DDHD1: variants seen among roughly 807,000 people sequenced by gnomAD.
The protein encoded by DDHD1 is phospholipase DDHD1.
DDHD1 carries 49 observed loss-of-function variants against 96.4 expected under a neutral mutation model. That is an observed-to-expected ratio of 0.51 (90% confidence interval 0.40 to 0.64). DDHD1 has a LOEUF of 0.64. Ranked by LOEUF, DDHD1 falls within the 30% of genes least tolerant of loss-of-function variation. The pLI, the probability that DDHD1 is intolerant of heterozygous loss-of-function variation, is 0.00. For synonymous variants in DDHD1, 442 were observed against 446.5 expected (o/e 0.99, Z 0.13); for missense variants, 1,106 against 1,161.2 (o/e 0.95, Z 0.69).
intron 1 of DDHD1, among the ~76,000 whole-genome samples, chr14:53,137,322 T>TGG (rs1199661541): frequency 6.6e-6 from 1 of 152,222 alleles, no homozygotes; most frequent in African/African-American, 2.4e-5. Context: ...CCAGGTGCGG[T>TGG]GGCTCACGCC....
At chr14:53,116,946 A>C (rs1374667029) in intron 1 of DDHD1, among the ~76,000 whole-genome samples, 1 of 152,194 alleles carries the variant, frequency 6.6e-6, no homozygotes, top group East Asian at 1.9e-4. Flanking sequence ...GAAAAGATTA[A>C]CAAAATTGAT....
chr14:53,093,752 C>T (rs972462667), intron 2 of DDHD1: 5 of 283,002 alleles, frequency 1.8e-5, no homozygotes, highest in Non-Finnish European at 3.3e-5. Context: ...AACTGCTTTC[C>T]CGGGTGATGT....
chr14:53,053,432 T>C (rs535283354), intron 11 of DDHD1: 3 of 152,248 alleles, frequency 2.0e-5, no homozygotes, highest in Admixed American at 6.5e-5. Context: ...TTAAAAATGC[T>C]GTTGGCCCAA....
intron 4 of DDHD1, among the ~76,000 whole-genome samples, chr14:53,076,855 T>C (rs1249065076): frequency 2.1e-4 from 32 of 152,218 alleles, no homozygotes. Flanking sequence ...CAGTACAGCA[T>C]TTTAAAATTA....
rs1236401458 is a variant in DDHD1, at chr14:53,038,733, A to T, written c.*8035T>A. ...CCAAAGAAAGAGCCTGAATAGCCAA[A>T]GCAACCCAAAGCAGAAAGAACAAAG... is the stretch of plus-strand genomic sequence containing the variant. On this transcript the variant is annotated 3_prime_UTR_variant, in exon 13 of 13. Coordinates refer to ENST00000673822, the MANE Select transcript of DDHD1 (RefSeq NM_001160148.2). 2 of 152,196 alleles carry T rather than the reference A, an allele frequency of 1.3e-5. No homozygotes were observed. Among genetic ancestry groups the T allele is most frequent in the African/African-American group, 4.8e-5 (2 of 41,464 alleles). The allele number at this position is 152,196 out of a possible 1,614,324, so 9.4% of individuals were successfully genotyped here.
At chr14:53,053,909 C>CCATT (rs771102045) in intron 11 of DDHD1, 3 of 152,228 alleles carry the variant, frequency 2.0e-5, no homozygotes, top group Non-Finnish European at 2.9e-5. Context: ...TCCAACATAA[C>CCATT]TATCCATTTA....
intron 8 of DDHD1, 60 bp downstream of exon 8, chr14:53,061,066 C>T: frequency 1.4e-6 from 2 of 1,435,218 alleles, no homozygotes; most frequent in Non-Finnish European, 1.9e-6. Context: ...AGGCATATTT[C>T]ACATGACGTT....
rs1882077771 is a variant in DDHD1, at chr14:53,047,087, T to A, written c.2522-138A>T. The A allele has an allele frequency of 8.3e-6, 5 of 605,052 alleles. No individual in the cohort carries two copies. In the South Asian group the frequency reaches 1.4e-4, roughly 17 times the overall value. 37.5% of individuals were successfully genotyped at this position (605,052 alleles called of 1,614,324 possible). On this transcript the variant is annotated intron_variant, in intron 12 of 12. Coordinates refer to ENST00000673822, the MANE Select transcript of DDHD1 (RefSeq NM_001160148.2). Reference sequence around the variant, plus strand: ...TTTTTTAAGAAGTGACTTTCCATTATCATCTTAAGAGAAAAACACTCAAAA... The same window carrying A: ...TTTTTTAAGAAGTGACTTTCCATTAACATCTTAAGAGAAAAACACTCAAAA...
intron 1 of DDHD1, among the ~76,000 whole-genome samples, chr14:53,104,793 C>T (rs1887564076): frequency 6.6e-6 from 1 of 151,530 alleles, no homozygotes; most frequent in African/African-American, 2.4e-5. Context: ...ATAACAAAAC[C>T]CTAAAAGTAA....
At chr14:53,129,852 C>T (rs1194634163) in intron 1 of DDHD1, among the ~76,000 whole-genome samples, 4 of 152,178 alleles carry the variant, frequency 2.6e-5, no homozygotes, top group African/African-American at 9.7e-5. Flanking sequence ...GAAAACGGCA[C>T]TTTTGATTTC....
intron 1 of DDHD1, among the ~76,000 whole-genome samples, chr14:53,117,282 T>A (rs906712039): frequency 5.9e-5 from 9 of 152,140 alleles, no homozygotes; most frequent in Admixed American, 4.6e-4. Context: ...GTTCATCTCA[T>A]TGGGACTGGT....
intron 1 of DDHD1, among the ~76,000 whole-genome samples, chr14:53,122,180 C>T (rs1024904108): frequency 8.5e-5 from 13 of 152,180 alleles, no homozygotes; most frequent in South Asian, 2.1e-4. Context: ...TTTTTGGCAG[C>T]GTCCAGGTGC....
At chr14:53,138,087 T>C (rs1890367347) in intron 1 of DDHD1, among the ~76,000 whole-genome samples, 1 of 152,208 alleles carries the variant, frequency 6.6e-6, no homozygotes, top group African/African-American at 2.4e-5. Flanking sequence ...AAATAGAGTT[T>C]AAAGAAATTG....
chr14:53,089,746 C>A (rs1315037581), intron 4 of DDHD1, among the ~76,000 whole-genome samples: 2 of 152,104 alleles, frequency 1.3e-5, no homozygotes, highest in East Asian at 1.9e-4. Flanking sequence ...CCATAAAAAC[C>A]CTAGAAGAAA....
chr14:53,061,289 G>T, intron 7 of DDHD1, 88 bp from the exon 8 acceptor site: 1 of 1,059,768 alleles, frequency 9.4e-7, no homozygotes, highest in Non-Finnish European at 1.3e-6. Flanking sequence ...GTATAAAGAC[G>T]CAGATGATGG....
chr14:53,127,196 G>C (rs1421157488), intron 1 of DDHD1, among the ~76,000 whole-genome samples: 1 of 152,144 alleles, frequency 6.6e-6, no homozygotes, highest in Non-Finnish European at 1.5e-5. Context: ...AGTTGAGTGA[G>C]GAAATTTTAC....
At chr14:53,128,546 C>T (rs1023745396) in intron 1 of DDHD1, among the ~76,000 whole-genome samples, 5 of 152,220 alleles carry the variant, frequency 3.3e-5, no homozygotes, top group Admixed American at 2.0e-4. Flanking sequence ...TTCCCCAATA[C>T]CATCACCTAG....
chr14:53,135,440 C>A (rs1281665074), intron 1 of DDHD1, among the ~76,000 whole-genome samples: 1 of 152,214 alleles, frequency 6.6e-6, no homozygotes, highest in Non-Finnish European at 1.5e-5. Flanking sequence ...ATCCCACCAC[C>A]CGTTGCTGAC....
In DDHD1 at chr14:53,094,310, A is replaced by G. The variant is rs542975462; in HGVS notation, c.1013-866T>C. On this transcript the variant is annotated intron_variant, in intron 2 of 12. Transcript: ENST00000673822. Reference sequence around the variant, plus strand: ...ATTTTTGGAATGGATAGTAAAGCCAATAATTATTGGATATTGCTCATCATA... The same window carrying G: ...ATTTTTGGAATGGATAGTAAAGCCAGTAATTATTGGATATTGCTCATCATA... Among the ~76,000 whole-genome samples the G allele has an allele frequency of 3.9e-5, 6 of 152,368 alleles. No individual in the cohort carries two copies. The East Asian group carries it at 1.2e-3, about 29-fold the overall frequency.
Sources: allele counts gnomAD v4.1 joint callset (sites outside exome capture counted in the v4.1 genomes callset), GRCh38; gene constraint gnomAD v4.1.1; transcripts MANE v1.5; gene names NCBI Gene and HGNC (gene_info 2026-07-23, HGNC 2026-07-21).